TRAF3IP1: variants seen among roughly 807,000 people sequenced by gnomAD.
TRAF3IP1 encodes the protein TRAF3-interacting protein 1.
TRAF3IP1 carries 53 observed loss-of-function variants against 89.9 expected under a neutral mutation model. The observed-to-expected ratio is 0.59, with a 90% confidence interval of 0.47 to 0.74. The LOEUF is 0.74. TRAF3IP1 is among the 30% of genes least tolerant of loss of function. TRAF3IP1 has a pLI of 0.00. For missense variants in TRAF3IP1, 806 were observed against 866.1 expected, an observed-to-expected ratio of 0.93 and a Z score of 0.87; for synonymous variants, 311 against 322.1, an observed-to-expected ratio of 0.97 and a Z score of 0.37.
intron 15 of TRAF3IP1, among the ~76,000 whole-genome samples, chr2:238,369,711 C>A (rs1017582170): frequency 3.3e-5 from 5 of 152,244 alleles, no homozygotes; most frequent in Non-Finnish European, 5.9e-5. Context: ...GATGTGGATG[C>A]TGTCTGCCAG....
At chr2:238,342,825 A>G (rs1222784059) in intron 8 of TRAF3IP1, among the ~76,000 whole-genome samples, 2 of 152,208 alleles carry the variant, frequency 1.3e-5, no homozygotes, top group Non-Finnish European at 2.9e-5. Context: ...TTGCAAAATT[A>G]TGTGTCATCT....
chr2:238,332,967 C>T, intron 6 of TRAF3IP1, 72 bp downstream of exon 6: 15 of 1,160,526 alleles, frequency 1.3e-5, no homozygotes, highest in Non-Finnish European at 1.8e-5. Flanking sequence ...GCTGTGCGCT[C>T]CCCGGGTCCA....
intron 15 of TRAF3IP1, among the ~76,000 whole-genome samples, chr2:238,378,673 A>G (rs1700420724): frequency 6.6e-6 from 1 of 152,236 alleles, no homozygotes; most frequent in Non-Finnish European, 1.5e-5. Context: ...TCCATTTTAT[A>G]AAATTAATTT....
intron 15 of TRAF3IP1, among the ~76,000 whole-genome samples, chr2:238,393,925 G>A (rs759047558): frequency 7.9e-5 from 12 of 152,234 alleles, no homozygotes; most frequent in African/African-American, 2.4e-4. Context: ...TGAAGCCTAC[G>A]CGGTGGCTCA....
rs201250604 is a variant in TRAF3IP1, at chr2:238,398,795, C to T, written c.1952C>T (p.Ala651Val). 62 of 1,611,882 alleles carry T rather than the reference C, an allele frequency of 3.8e-5. No individual in the cohort carries two copies. In the Middle Eastern group the frequency reaches 5.0e-4, roughly 13 times the overall value. The change falls in exon 17 of 17, where the codon GCG becomes GTG. Residue 651 changes from alanine to valine, a missense_variant. Around this residue, in one of 3 missense-constraint regions of TRAF3IP1, gnomAD observed 70 missense variants for 67.8 expected, o/e 1.03. Transcript: ENST00000373327. ...GTGGAGCCCTTAAAGGCTGAGCTCG[C>T]GGAGCTGGAGCAGCTGATCAAAGAC... is the stretch of plus-strand genomic sequence containing the variant. ...CAVEPLKAEL[A>V]ELEQLIKDQQ...
chr2:238,398,900 A>G lies in TRAF3IP1; in HGVS notation c.2057A>G (p.Asn686Ser). The change falls in exon 17 of 17, where the codon AAT (asparagine) becomes AGT (serine). Residue 686 changes from asparagine to serine, a missense_variant. Asn to Ser is a conservative substitution (Grantham distance 46). This residue lies in a region of TRAF3IP1 where 70 missense variants were observed against 67.8 expected (regional missense o/e 1.03). Coordinates refer to ENST00000373327, the MANE Select transcript of TRAF3IP1 (RefSeq NM_015650.4). ...EKIQKMVYSINLTSRR is the reference protein window; with the variant it reads ...EKIQKMVYSISLTSRR ...ATCCAGAAAATGGTATATAGTATCA[A>G]TTTGACTTCGAGAAGGTGAACACTC... 6.2e-7 allele frequency: 1 copy of G among 1,606,324 alleles called. No individual in the cohort carries two copies.
intron 12 of TRAF3IP1, 110 bp from the exon 13 acceptor site, chr2:238,352,717 A>C: frequency 5.7e-4 from 592 of 1,043,536 alleles, no homozygotes; most frequent in Non-Finnish European, 7.4e-4. Flanking sequence ...TGTTCTAGCT[A>C]GAGATGGTTG....
chr2:238,370,289 G>A (rs1224460644), intron 15 of TRAF3IP1, among the ~76,000 whole-genome samples: 6 of 151,990 alleles, frequency 3.9e-5, no homozygotes, highest in Admixed American at 1.3e-4. Context: ...GTGTCTGTGT[G>A]TGCATGTGTG....
At chr2:238,359,641 G>GT (rs1358406419) in intron 15 of TRAF3IP1, among the ~76,000 whole-genome samples, 1 of 152,142 alleles carries the variant, frequency 6.6e-6, no homozygotes, top group Non-Finnish European at 1.5e-5. Flanking sequence ...GAACATTTGA[G>GT]TTGCTTCTAG....
intron 15 of TRAF3IP1, among the ~76,000 whole-genome samples, chr2:238,357,066 C>T (rs919212172): frequency 1.3e-5 from 2 of 152,226 alleles, no homozygotes; most frequent in Admixed American, 1.3e-4. Flanking sequence ...GCGTGAGCCA[C>T]CGCGCCTGGC....
intron 15 of TRAF3IP1, among the ~76,000 whole-genome samples, chr2:238,381,915 G>A (rs911936433): frequency 1.3e-5 from 2 of 152,194 alleles, no homozygotes; most frequent in African/African-American, 4.8e-5. Flanking sequence ...GGGCTGGCGG[G>A]TAGGAAGCCA....
intron 7 of TRAF3IP1, among the ~76,000 whole-genome samples, chr2:238,337,000 G>A (rs950579674): frequency 6.6e-6 from 1 of 151,976 alleles, no homozygotes; most frequent in East Asian, 1.9e-4. Context: ...TTGACCTGGG[G>A]CCTGCGCTCT....
intron 14 of TRAF3IP1, 77 bp downstream of exon 14, chr2:238,353,286 A>G (rs116652493): frequency 1.3e-6 from 2 of 1,526,440 alleles, no homozygotes; most frequent in Non-Finnish European, 1.8e-6. Context: ...GCCTGGAAGG[A>G]TCCAGTGCAA....
intron 15 of TRAF3IP1, among the ~76,000 whole-genome samples, chr2:238,360,658 C>T (rs1378660234): frequency 6.6e-6 from 1 of 152,072 alleles, no homozygotes; most frequent in Non-Finnish European, 1.5e-5. Flanking sequence ...CCGAGGCAGG[C>T]AGATCACGAG....
chr2:238,329,810 A>T (rs1698031692), intron 5 of TRAF3IP1, among the ~76,000 whole-genome samples: 1 of 152,196 alleles, frequency 6.6e-6, no homozygotes, highest in Non-Finnish European at 1.5e-5. Context: ...ATCATGAAAC[A>T]CTGGATGGAA....
intron 15 of TRAF3IP1, among the ~76,000 whole-genome samples, chr2:238,377,403 A>G (rs1398783608): frequency 1.5e-5 from 1 of 67,500 alleles, no homozygotes; most frequent in African/African-American, 5.2e-5. Flanking sequence ...AAGTTTTTGT[A>G]GGTTCCCCCC....
intron 9 of TRAF3IP1, 163 bp downstream of exon 9, chr2:238,344,761 A>C (rs1345289590): frequency 2.8e-6 from 2 of 710,346 alleles, no homozygotes; most frequent in African/African-American, 1.7e-5. Context: ...ATAAACTAGA[A>C]TCGAACATGG....
chr2:238,384,675 G>A (rs558635893), intron 15 of TRAF3IP1, among the ~76,000 whole-genome samples: 81 of 151,214 alleles, frequency 5.4e-4, no homozygotes, highest in African/African-American at 2.0e-3. Context: ...GAGCCACCAC[G>A]CCTGGCCTGA....
intron 7 of TRAF3IP1, among the ~76,000 whole-genome samples, chr2:238,337,197 G>A (rs1293696247): frequency 2.0e-5 from 3 of 152,180 alleles, no homozygotes; most frequent in Non-Finnish European, 4.4e-5. Context: ...GGGTACATAT[G>A]TGCATGTTAG....
Sources: gnomAD v4.1 joint callset for allele counts (sites outside exome capture counted in the v4.1 genomes callset) on GRCh38, gnomAD v4.1.1 for gene constraint, gnomAD v4.1.1 regional missense constraint, MANE v1.5 for transcripts, NCBI Gene and HGNC (gene_info 2026-07-23, HGNC 2026-07-21) for gene names.